Variants in ZNF385D observed in about 807,000 individuals in gnomAD.
ZNF385D encodes zinc finger protein 659.
ZNF385D carries 15 observed loss-of-function variants against 35.8 expected under a neutral mutation model. The ratio of observed to expected loss-of-function variants is 0.42; its 90% confidence interval spans 0.28 to 0.64. ZNF385D has a LOEUF of 0.64. Ranked by LOEUF, ZNF385D falls within the 30% of genes least tolerant of loss-of-function variation. The pLI, the probability that ZNF385D is intolerant of heterozygous loss-of-function variation, is 0.23. For synonymous variants in ZNF385D, 212 were observed against 186.8 expected, an observed-to-expected ratio of 1.13 and a Z score of -1.10; for missense variants, 474 against 494.6, an observed-to-expected ratio of 0.96 and a Z score of 0.39.
chr3:21,543,692 C>T (rs576912409), intron 3 of ZNF385D, among the ~76,000 whole-genome samples: 1 of 152,178 alleles, frequency 6.6e-6, no homozygotes, highest in African/African-American at 2.4e-5. Flanking sequence ...TGTTGATTTT[C>T]TTTCCCCTTC....
intron 2 of ZNF385D, among the ~76,000 whole-genome samples, chr3:22,183,900 C>T (rs1695454072): frequency 6.7e-6 from 1 of 150,238 alleles, no homozygotes; most frequent in East Asian, 2.0e-4. Context: ...TACTTTTATG[C>T]TGTGAAAGAA....
chr3:21,972,913 C>A (rs1329774271), intron 3 of ZNF385D, among the ~76,000 whole-genome samples: 1 of 151,814 alleles, frequency 6.6e-6, no homozygotes, highest in African/African-American at 2.4e-5. Context: ...GTAATGTGAT[C>A]GAAGCCATAA....
intron 1 of ZNF385D, among the ~76,000 whole-genome samples, chr3:21,676,180 T>A (rs1258622193): frequency 6.6e-6 from 1 of 152,208 alleles, no homozygotes; most frequent in African/African-American, 2.4e-5. Flanking sequence ...TCTCTAGCAT[T>A]TGCAGTACCC....
At chr3:22,318,546 C>T (rs370200103) in intron 2 of ZNF385D, among the ~76,000 whole-genome samples, 1 of 151,988 alleles carries the variant, frequency 6.6e-6, no homozygotes, top group Non-Finnish European at 1.5e-5. Context: ...AGAGAGGAGC[C>T]AAGATGAATT....
At chr3:22,065,075 ATTAG>A (rs1396742325) in intron 3 of ZNF385D, among the ~76,000 whole-genome samples, 4 of 152,196 alleles carry the variant, frequency 2.6e-5, no homozygotes, top group Non-Finnish European at 4.4e-5. Flanking sequence ...CCTTAAACAA[ATTAG>A]TTAGCCTTTC....
chr3:22,164,167 T>C (rs1373592172), intron 3 of ZNF385D, among the ~76,000 whole-genome samples: 1 of 151,258 alleles, frequency 6.6e-6, no homozygotes, highest in African/African-American at 2.4e-5. Flanking sequence ...CACCTATAGT[T>C]ATAAGTGAGC....
At chr3:21,492,003 G>A (rs1705461677) in intron 4 of ZNF385D, among the ~76,000 whole-genome samples, 1 of 151,990 alleles carries the variant, frequency 6.6e-6, no homozygotes, top group Non-Finnish European at 1.5e-5. Flanking sequence ...ATACCATAGA[G>A]ATTCTAAATA....
chr3:21,734,053 A>C (rs2069133318), intron 1 of ZNF385D, among the ~76,000 whole-genome samples: 1 of 152,166 alleles, frequency 6.6e-6, no homozygotes, highest in Non-Finnish European at 1.5e-5. Context: ...GAGAATATTC[A>C]CTTATGTTTC....
chr3:21,511,791 T>C (rs1181085921), intron 3 of ZNF385D: 4 of 455,806 alleles, frequency 8.8e-6, no homozygotes, highest in African/African-American at 2.0e-5. Context: ...TAGAGTGATA[T>C]GCATTTTCTC....
chr3:22,111,185 T>TTTTTG (rs1559377211), intron 3 of ZNF385D, among the ~76,000 whole-genome samples: 1 of 122,098 alleles, frequency 8.2e-6, no homozygotes, highest in Non-Finnish European at 1.7e-5. Context: ...TTGTTTTTTT[T>TTTTTG]GTACTCTCAG....
intron 3 of ZNF385D, among the ~76,000 whole-genome samples, chr3:21,959,145 A>G (rs3821386): frequency 0.68 from 103,935 of 152,064 alleles, 36,682 homozygotes; most frequent in Non-Finnish European, 0.77. Flanking sequence ...AATAACATAT[A>G]ATTCCAGGCC....
Position 22,205,015 on chromosome 3 carries a change from A to C in ZNF385D, c.107-35980T>G, listed in dbSNP as rs994966775. ...AAAAAAAAAATCAATATCCATGTACAAGAAGGTTATAGAACACCAAGCAGA... is the reference window on the plus strand; with the variant it reads ...AAAAAAAAAATCAATATCCATGTACCAGAAGGTTATAGAACACCAAGCAGA... On this transcript the variant is annotated intron_variant, in intron 2 of 5. Coordinates refer to the ZNF385D transcript ENST00000494108. 2.6e-5 allele frequency among the ~76,000 whole-genome samples: 4 copies of C among 151,756 alleles called. No individual in the cohort carries two copies. In the East Asian group the frequency reaches 7.8e-4, roughly 29 times the overall value.
chr3:22,166,344 T>C (rs1318951865), intron 3 of ZNF385D, among the ~76,000 whole-genome samples: 2 of 152,182 alleles, frequency 1.3e-5, no homozygotes, highest in African/African-American at 2.4e-5. Context: ...ATATTAAAAT[T>C]TTAATTTTTA....
chr3:21,433,791 A>G (rs956896197), intron 5 of ZNF385D, among the ~76,000 whole-genome samples: 9 of 152,326 alleles, frequency 5.9e-5, no homozygotes, highest in South Asian at 2.1e-4. Context: ...TTGTTAGTCT[A>G]TATTTTAAAC....
At chr3:22,306,904 A>T (rs1003841012) in intron 2 of ZNF385D, among the ~76,000 whole-genome samples, 3 of 152,192 alleles carry the variant, frequency 2.0e-5, no homozygotes, top group Admixed American at 2.0e-4. Context: ...TTGAAGAGCG[A>T]AAAACATAAA....
chr3:21,610,753 C>T (rs1298286171), intron 2 of ZNF385D, among the ~76,000 whole-genome samples: 10 of 148,460 alleles, frequency 6.7e-5, no homozygotes, highest in East Asian at 6.0e-4. Context: ...CCAGTCTGGG[C>T]GACAGAGCGA....
At chr3:22,069,329 A>C (rs1700118957) in intron 3 of ZNF385D, among the ~76,000 whole-genome samples, 1 of 152,136 alleles carries the variant, frequency 6.6e-6, no homozygotes, top group Non-Finnish European at 1.5e-5. Context: ...CAAACAAATC[A>C]AGCTCCTGGT....
At chr3:22,117,577 T>G (rs1702877148) in intron 3 of ZNF385D, among the ~76,000 whole-genome samples, 1 of 151,884 alleles carries the variant, frequency 6.6e-6, no homozygotes, top group African/African-American at 2.4e-5. Flanking sequence ...TTCCACTATT[T>G]TTTTTTTACA....
chr3:21,619,935 C>T (rs969266833), intron 2 of ZNF385D, among the ~76,000 whole-genome samples: 1 of 152,160 alleles, frequency 6.6e-6, no homozygotes, highest in Admixed American at 6.6e-5. Flanking sequence ...ACATTACACC[C>T]TGAGTTCTTG....
Sources: gnomAD v4.1 joint callset for allele counts (sites outside exome capture counted in the v4.1 genomes callset) on GRCh38, gnomAD v4.1.1 for gene constraint, MANE v1.5 for transcripts, NCBI Gene and HGNC (gene_info 2026-07-23, HGNC 2026-07-21) for gene names.